ADAMTSL1: variants seen among roughly 807,000 people sequenced by gnomAD.
The protein encoded by ADAMTSL1 is ADAMTS like 1, also known as ADAMTS-like protein 1.
A neutral mutation model predicts 201.8 loss-of-function variants in ADAMTSL1; 126 were observed. The observed-to-expected ratio is 0.62, with a 90% CI of 0.54 to 0.72. The LOEUF is 0.72. ADAMTSL1 is among the 30% of genes least tolerant of loss of function. The pLI is 0.00. For synonymous variants in ADAMTSL1, 1,121 were observed against 903.4 expected (o/e 1.24, Z -4.32); for missense variants, 2,679 against 2,277.8 (o/e 1.18, Z -3.59).
intron 2 of ADAMTSL1, among the ~76,000 whole-genome samples, chr9:18,182,373 T>A (rs1013651117): frequency 6.6e-6 from 1 of 152,108 alleles, no homozygotes; most frequent in African/African-American, 2.4e-5. Flanking sequence ...GAAGGATGAC[T>A]TCTATGAATT....
intron 2 of ADAMTSL1, among the ~76,000 whole-genome samples, chr9:18,434,142 C>T (rs1295265897): frequency 6.6e-6 from 1 of 152,062 alleles, no homozygotes; most frequent in African/African-American, 2.4e-5. Flanking sequence ...TATATTTAGC[C>T]CTACGTTTAG....
intron 1 of ADAMTSL1, among the ~76,000 whole-genome samples, chr9:18,057,889 C>A (rs1822271002): frequency 6.6e-6 from 1 of 152,190 alleles, no homozygotes; most frequent in Non-Finnish European, 1.5e-5. Flanking sequence ...CTTTAGGTCT[C>A]CCTATTATCC....
At chr9:18,379,640 C>T (rs1042477616) in intron 2 of ADAMTSL1, among the ~76,000 whole-genome samples, 4 of 151,884 alleles carry the variant, frequency 2.6e-5, no homozygotes, top group Non-Finnish European at 5.9e-5. Context: ...ATTGGGCTGA[C>T]GAAGGCTCTC....
At chr9:18,003,626 T>C (rs1452227764) in intron 1 of ADAMTSL1, among the ~76,000 whole-genome samples, 1 of 152,084 alleles carries the variant, frequency 6.6e-6, no homozygotes, top group Non-Finnish European at 1.5e-5. Context: ...TCTACTCTTG[T>C]AGCAAGTCGG....
chr9:18,409,297 C>T (rs1342478573), intron 2 of ADAMTSL1, among the ~76,000 whole-genome samples: 3 of 146,666 alleles, frequency 2.0e-5, no homozygotes, highest in South Asian at 4.3e-4. Context: ...GTGGGAGAAT[C>T]GCTTGAACCT....
At chr9:18,688,720 A>C (rs1831026929) in intron 13 of ADAMTSL1, among the ~76,000 whole-genome samples, 1 of 117,496 alleles carries the variant, frequency 8.5e-6, no homozygotes, top group African/African-American at 3.1e-5. Flanking sequence ...GACTGTGACT[A>C]AGAATGCCTA....
chr9:18,479,174 A>C (rs548905747), intron 1 of ADAMTSL1, among the ~76,000 whole-genome samples: 1 of 152,190 alleles, frequency 6.6e-6, no homozygotes, highest in Non-Finnish European at 1.5e-5. Flanking sequence ...ATTAAAACCT[A>C]CATTGAATAA....
At chr9:18,388,883 A>C (rs1400120186) in intron 2 of ADAMTSL1, among the ~76,000 whole-genome samples, 1 of 151,810 alleles carries the variant, frequency 6.6e-6, no homozygotes, top group African/African-American at 2.4e-5. Context: ...TAGCCTCCTG[A>C]GTAGCTGGGA....
chr9:18,395,412 G>A (rs1817714832), intron 2 of ADAMTSL1, among the ~76,000 whole-genome samples: 1 of 152,168 alleles, frequency 6.6e-6, no homozygotes, highest in Admixed American at 6.6e-5. Context: ...AAATGCACAT[G>A]CTTTATTCAG....
Position 18,239,290 on chromosome 9 carries a change from TTTACCCAAAAC to T in ADAMTSL1, c.207+75310_207+75320del, listed in dbSNP as rs1445319133. 5.3e-5 allele frequency among the ~76,000 whole-genome samples: 8 copies of T among 152,304 alleles called. No homozygotes were observed. In the South Asian group the frequency reaches 1.5e-3, roughly 28 times the overall value. On this transcript the variant is annotated intron_variant, in intron 2 of 29. Coordinates refer to the ADAMTSL1 transcript ENST00000680146. ...AGCATGTGATGCTGTTTGATGGCATTTTACCCAAAACAGAACTTCTTTCAAAACTGGAGTCA... is the reference window on the plus strand; with the variant it reads ...AGCATGTGATGCTGTTTGATGGCATTAGAACTTCTTTCAAAACTGGAGTCA...
intron 1 of ADAMTSL1, among the ~76,000 whole-genome samples, chr9:18,104,276 G>A (rs1426120993): frequency 2.6e-5 from 4 of 152,064 alleles, no homozygotes; most frequent in East Asian, 3.9e-4. Flanking sequence ...TCGCAATCCC[G>A]TTTTTCCCTC....
chr9:18,239,706 C>G (rs899932430), intron 2 of ADAMTSL1, among the ~76,000 whole-genome samples: 1 of 152,002 alleles, frequency 6.6e-6, no homozygotes, highest in Non-Finnish European at 1.5e-5. Flanking sequence ...TGAGATCATG[C>G]CACCGCACTC....
chr9:18,844,846 T>C (rs562212651), intron 23 of ADAMTSL1, among the ~76,000 whole-genome samples: 1 of 152,280 alleles, frequency 6.6e-6, no homozygotes, highest in Non-Finnish European at 1.5e-5. Flanking sequence ...CCGAGCCATG[T>C]GCGGGATATA....
At chr9:18,528,608 T>C (rs1229656653) in intron 2 of ADAMTSL1, among the ~76,000 whole-genome samples, 2 of 152,200 alleles carry the variant, frequency 1.3e-5, no homozygotes. Context: ...AGTCAATAAT[T>C]AGTGGCCATT....
intron 2 of ADAMTSL1, among the ~76,000 whole-genome samples, chr9:18,380,881 G>A (rs1308923164): frequency 6.6e-6 from 1 of 152,222 alleles, no homozygotes; most frequent in Admixed American, 6.5e-5. Flanking sequence ...AAAACGCAGG[G>A]AGAGGAATTG....
intron 2 of ADAMTSL1, among the ~76,000 whole-genome samples, chr9:18,200,383 T>A (rs950246490): frequency 6.6e-6 from 1 of 152,128 alleles, no homozygotes; most frequent in African/African-American, 2.4e-5. Context: ...TGGAACTGTA[T>A]AAATTCTTTT....
intron 2 of ADAMTSL1, among the ~76,000 whole-genome samples, chr9:18,430,575 T>C (rs1819443200): frequency 6.6e-6 from 1 of 152,176 alleles, no homozygotes; most frequent in Non-Finnish European, 1.5e-5. Context: ...AAGGGTTTCA[T>C]GTGACTTACT....
chr9:18,357,677 G>A (rs1836313262), intron 2 of ADAMTSL1, among the ~76,000 whole-genome samples: 1 of 151,956 alleles, frequency 6.6e-6, no homozygotes, highest in African/African-American at 2.4e-5. Flanking sequence ...CTTAAGTATA[G>A]TCAAATATAG....
intron 26 of ADAMTSL1, among the ~76,000 whole-genome samples, chr9:18,899,805 A>C (rs1254398390): frequency 6.6e-6 from 1 of 152,184 alleles, no homozygotes; most frequent in Non-Finnish European, 1.5e-5. Flanking sequence ...TGGATTAAAG[A>C]CTTAAATGTA....
Sources: gnomAD v4.1 joint callset for allele counts (sites outside exome capture counted in the v4.1 genomes callset) on GRCh38, gnomAD v4.1.1 for gene constraint, MANE v1.5 for transcripts, NCBI Gene and HGNC (gene_info 2026-07-23, HGNC 2026-07-21) for gene names.